Variants in DOC2B observed in about 807,000 individuals in gnomAD.
DOC2B encodes double C2 domain beta.
A neutral mutation model predicts 28.9 loss-of-function variants in DOC2B; 21 were observed. The ratio of observed to expected loss-of-function variants is 0.73; its 90% CI spans 0.52 to 1.05. DOC2B has a LOEUF of 1.05. Ranked by LOEUF, DOC2B falls within the 50% of genes least tolerant of loss-of-function variation. The pLI is 0.00. For missense variants in DOC2B, 384 were observed against 421.1 expected, an observed-to-expected ratio of 0.91 and a Z score of 0.77; for synonymous variants, 194 against 178.1, an observed-to-expected ratio of 1.09 and a Z score of -0.71.
chr17:169,242 G>A (rs1463516607), intron 2 of DOC2B, among the ~76,000 whole-genome samples: 1 of 152,026 alleles, frequency 6.6e-6, no homozygotes, highest in African/African-American at 2.4e-5. Flanking sequence ...AGATCCCGGG[G>A]ACTGCAGACT....
Position 146,661 on chromosome 17 carries a change from C to T in DOC2B, c.*780G>A, listed in dbSNP as rs1459140931. The T allele has an allele frequency of 1.3e-5, 2 of 152,272 alleles. No individual in the cohort carries two copies. Among genetic ancestry groups the T allele is most frequent in the Non-Finnish European group, 2.9e-5 (2 of 68,070 alleles). 9.4% of individuals were successfully genotyped at this position (152,272 alleles called of 1,614,324 possible). A position where few individuals can be genotyped will look rare whatever the true frequency, so the allele number is the denominator to read the frequency against. ...GACTGCTTTTAGAAGCCCTCACTCA[C>T]CCTCCAAGGCCTTACGGAAGCACCG... On this transcript the variant is annotated 3_prime_UTR_variant, in exon 9 of 9. Coordinates refer to ENST00000613549, the MANE Select transcript of DOC2B (RefSeq NM_003585.5).
chr17:164,168 G>A lies in DOC2B; in HGVS notation c.490C>T (p.Pro164Ser). The A allele has an allele frequency of 1.3e-6, 2 of 1,554,280 alleles. No homozygotes were observed. Among genetic ancestry groups the A allele is most frequent in the Non-Finnish European group, 1.7e-6 (2 of 1,148,252 alleles). Residue 164 changes from proline (P) to serine (S), a missense_variant, in exon 3 of 9, where the codon CCC becomes TCC. Physicochemically the swap from Pro to Ser is moderately conservative, Grantham distance 74. Transcript: ENST00000613549. ...KPMDHNGLADPYVKLHLLPGA... is the reference protein window; with the variant it reads ...KPMDHNGLADSYVKLHLLPGA... Reference sequence around the variant, plus strand: ...GGCAGCAGGTGCAGCTTGACGTAGGGGTCTGCCAGCCCATTGTGGTCCATT... The same window carrying A: ...GGCAGCAGGTGCAGCTTGACGTAGGAGTCTGCCAGCCCATTGTGGTCCATT...
chr17:164,132 T>A lies in DOC2B; in HGVS notation c.526A>T (p.Lys176Ter). The A allele has an allele frequency of 6.4e-7, 1 of 1,552,078 alleles. No individual in the cohort carries two copies. Among genetic ancestry groups the A allele is most frequent in the Non-Finnish European group, 8.7e-7 (1 of 1,147,040 alleles). The change falls in exon 3 of 9, where the codon AAG (lysine) becomes TAG (stop). Residue 176 changes from lysine (K) to a stop codon, truncating the protein, a stop_gained and splice_region_variant. Transcript: ENST00000613549. LOFTEE classifies it high-confidence loss of function. ...VKLHLLPGAS[K>*]ANKLRTKTLR... ...CAGGCCTGGGTGGAACCCCTCACCT[T>A]ACTGGCTCCTGGCAGCAGGTGCAGC...
chr17:148,874 T>A (rs1336315390), intron 7 of DOC2B, among the ~76,000 whole-genome samples: 8 of 151,228 alleles, frequency 5.3e-5, no homozygotes, highest in Non-Finnish European at 1.0e-4. Context: ...GTTGCCTCCA[T>A]GAGGAACCGA....
At chr17:164,584 C>T (rs920592899) in intron 2 of DOC2B, among the ~76,000 whole-genome samples, 4 of 152,126 alleles carry the variant, frequency 2.6e-5, no homozygotes, top group African/African-American at 9.7e-5. Context: ...GTGGCCATGC[C>T]CCTCACTGAC....
rs2040205697 is a variant in DOC2B, at chr17:161,596, G to A, written c.639-55C>T. On this transcript the variant is annotated intron_variant, in intron 4 of 8. Coordinates refer to ENST00000613549, the MANE Select transcript of DOC2B (RefSeq NM_003585.5). ...CAGTGCCTCAGACGCACTGGGCATGGTGGAGGTGTGCGCAGGTAGGGCCAG... is the reference window on the plus strand; with the variant it reads ...CAGTGCCTCAGACGCACTGGGCATGATGGAGGTGTGCGCAGGTAGGGCCAG... 5.2e-6 allele frequency: 8 copies of A among 1,547,952 alleles called. No homozygotes were observed. The South Asian group carries it at 9.5e-5, about 18-fold the overall frequency.
chr17:165,294 C>T (rs548492917), intron 2 of DOC2B, among the ~76,000 whole-genome samples: 5 of 151,904 alleles, frequency 3.3e-5, no homozygotes, highest in African/African-American at 4.8e-5. Flanking sequence ...CCAGCCTGGG[C>T]AACACAGTAA....
intron 1 of DOC2B, among the ~76,000 whole-genome samples, chr17:172,886 T>A (rs2040328530): frequency 6.6e-6 from 1 of 152,214 alleles, no homozygotes; most frequent in Admixed American, 6.5e-5. Context: ...TCTGGCCCAG[T>A]GTGTGGTCCA....
chr17:177,188 G>C (rs1407352764), intron 1 of DOC2B, among the ~76,000 whole-genome samples: 3 of 152,156 alleles, frequency 2.0e-5, no homozygotes, highest in Non-Finnish European at 4.4e-5. Flanking sequence ...CTGCAGGGGG[G>C]ACAGAGAGAA....
intron 7 of DOC2B, 95 bp downstream of exon 7, chr17:149,016 C>T (rs1006201089): frequency 2.5e-6 from 1 of 396,886 alleles, no homozygotes; most frequent in Admixed American, 4.4e-5. Flanking sequence ...TGACCACCCT[C>T]CCCATCCCGC....
At chr17:161,130 T>C (rs552150934) in intron 5 of DOC2B, among the ~76,000 whole-genome samples, 33 of 152,224 alleles carry the variant, frequency 2.2e-4, no homozygotes, top group Admixed American at 2.0e-3. Context: ...CCAGGCCTCC[T>C]GCCCTCTCCT....
intron 4 of DOC2B, among the ~76,000 whole-genome samples, 169 bp from the exon 5 acceptor site, chr17:161,710 C>T (rs756411991): frequency 3.9e-5 from 6 of 152,170 alleles, no homozygotes; most frequent in South Asian, 2.1e-4. Flanking sequence ...GAGTGTGGCA[C>T]GATATCAGGC....
chr17:155,970 A>G, intron 6 of DOC2B: 1 of 509,890 alleles, frequency 2.0e-6, no homozygotes, highest in Non-Finnish European at 3.4e-6. Flanking sequence ...ACATAGCATC[A>G]GGTGATAACT....
chr17:154,873 G>A (rs2040115351), intron 6 of DOC2B, among the ~76,000 whole-genome samples: 1 of 152,038 alleles, frequency 6.6e-6, no homozygotes, highest in African/African-American at 2.4e-5. Flanking sequence ...GCGATTACAG[G>A]CGCCCGCCAC....
intron 1 of DOC2B, among the ~76,000 whole-genome samples, chr17:180,309 A>G (rs1045834182): frequency 6.6e-6 from 1 of 152,072 alleles, no homozygotes; most frequent in Admixed American, 6.5e-5. Context: ...AAAAGGCGCC[A>G]GGAGCGCCCA....
chr17:163,364 G>C (rs1024218476), intron 3 of DOC2B, among the ~76,000 whole-genome samples: 1 of 152,322 alleles, frequency 6.6e-6, no homozygotes, highest in African/African-American at 2.4e-5. Context: ...CCCTAGAGAA[G>C]GGGGAAGGGC....
chr17:179,538 T>C (rs1261058342), intron 1 of DOC2B, among the ~76,000 whole-genome samples: 1 of 152,226 alleles, frequency 6.6e-6, no homozygotes. Context: ...TGGGAACAAC[T>C]TTCCCATCCG....
intron 1 of DOC2B, among the ~76,000 whole-genome samples, chr17:178,500 G>T (rs1466138179): frequency 1.3e-5 from 2 of 152,218 alleles, no homozygotes; most frequent in Non-Finnish European, 2.9e-5. Context: ...CAGCGTGTGG[G>T]GTGTGTGGCC....
intron 7 of DOC2B, 41 bp from the exon 8 acceptor site, chr17:148,310 T>C: frequency 2.5e-6 from 1 of 398,648 alleles, no homozygotes; most frequent in East Asian, 3.6e-5. Flanking sequence ...TGCCTGGGCC[T>C]GGGCCTCCGC....
Sources: gnomAD v4.1 joint callset for allele counts (sites outside exome capture counted in the v4.1 genomes callset) on GRCh38, gnomAD v4.1.1 for gene constraint, MANE v1.5 for transcripts, NCBI Gene and HGNC (gene_info 2026-07-23, HGNC 2026-07-21) for gene names.